The following SLC3A1 variants were observed in gnomAD, a reference collection of about 807,000 sequenced individuals.
The protein encoded by SLC3A1 is amino acid transporter heavy chain SLC3A1.
SLC3A1 carries 78 observed loss-of-function variants against 60.3 expected under a neutral mutation model. That is an observed-to-expected ratio of 1.29 (90% CI 1.08 to 1.56). SLC3A1 has a LOEUF of 1.56. Ranked by LOEUF, SLC3A1 falls within the 40% of genes most tolerant of loss-of-function variation. SLC3A1 has a pLI of 0.00. For missense variants in SLC3A1, 1,172 were observed against 858.9 expected, an observed-to-expected ratio of 1.36 and a Z score of -4.56; for synonymous variants, 392 against 307.9, an observed-to-expected ratio of 1.27 and a Z score of -2.86.
chr2:44,301,196 C>A, intron 6 of SLC3A1, 69 bp downstream of exon 6: 1 of 1,587,508 alleles, frequency 6.3e-7, no homozygotes, highest in Non-Finnish European at 8.6e-7. Context: ...TCCCTCACAA[C>A]CAAGTGTATT....
intron 7 of SLC3A1, among the ~76,000 whole-genome samples, chr2:44,311,723 T>TA (rs11443762): frequency 0.65 from 95,983 of 147,006 alleles, 31,630 homozygotes; most frequent in Non-Finnish European, 0.72. Context: ...CTAAGGAAGT[T>TA]AAAAAAAAAA....
At chr2:44,291,484 C>T (rs1671738615) in intron 4 of SLC3A1, among the ~76,000 whole-genome samples, 1 of 152,158 alleles carries the variant, frequency 6.6e-6, no homozygotes, top group Non-Finnish European at 1.5e-5. Context: ...TGTGATGAAT[C>T]ATTAATGCCT....
chr2:44,277,449 T>G (rs556722796), intron 1 of SLC3A1, among the ~76,000 whole-genome samples: 201 of 152,270 alleles, frequency 1.3e-3, no homozygotes, highest in African/African-American at 4.6e-3. Flanking sequence ...TTGTCACTCA[T>G]TGAAGAAGAG....
intron 4 of SLC3A1, 40 bp from the exon 5 acceptor site, chr2:44,299,931 G>T (rs774080018): frequency 2.5e-6 from 4 of 1,608,934 alleles, no homozygotes; most frequent in Non-Finnish European, 3.4e-6. Flanking sequence ...TGATAATAAC[G>T]TAGTTAATGT....
chr2:44,321,544 A>C, downstream of SLC3A1: 1 of 1,520,732 alleles, frequency 6.6e-7, no homozygotes, highest in East Asian at 2.4e-5. Context: ...CTAACCGTGA[A>C]GTCAGCAATT....
At chr2:44,288,238 C>A (rs1439343433) in intron 4 of SLC3A1, among the ~76,000 whole-genome samples, 2 of 152,104 alleles carry the variant, frequency 1.3e-5, no homozygotes, top group East Asian at 3.8e-4. Flanking sequence ...GTTGGCCAGG[C>A]TGGTCTCAAA....
intron 4 of SLC3A1, among the ~76,000 whole-genome samples, chr2:44,291,664 C>A (rs1373116719): frequency 6.6e-6 from 1 of 152,166 alleles, no homozygotes; most frequent in Non-Finnish European, 1.5e-5. Flanking sequence ...CCCAGCAGCG[C>A]TTGTTTCTGC....
intron 4 of SLC3A1, among the ~76,000 whole-genome samples, chr2:44,287,975 G>A (rs1038991720): frequency 5.9e-5 from 9 of 151,784 alleles, no homozygotes; most frequent in Non-Finnish European, 1.3e-4. Flanking sequence ...TTTTGAGTGT[G>A]TAATTCAGTG....
intron 1 of SLC3A1, among the ~76,000 whole-genome samples, chr2:44,277,397 C>T (rs535249526): frequency 3.7e-4 from 56 of 152,194 alleles, no homozygotes; most frequent in East Asian, 3.1e-3. Flanking sequence ...CATGAGCCAC[C>T]GCATCCGGCT....
At chr2:44,310,216 A>AT (rs1318243878) in intron 7 of SLC3A1, among the ~76,000 whole-genome samples, 1 of 152,134 alleles carries the variant, frequency 6.6e-6, no homozygotes, top group Non-Finnish European at 1.5e-5. Context: ...TACTTCTGTG[A>AT]TTTTGAGGAA....
chr2:44,299,912 T>A (rs1482011860), intron 4 of SLC3A1, 59 bp from the exon 5 acceptor site: 8 of 1,585,436 alleles, frequency 5.0e-6, no homozygotes, highest in Non-Finnish European at 6.9e-6. Context: ...AAACTTTGAT[T>A]AAACGTTGTG....
chr2:44,310,480 T>C (rs939542196), intron 7 of SLC3A1, among the ~76,000 whole-genome samples: 17 of 152,232 alleles, frequency 1.1e-4, no homozygotes, highest in South Asian at 4.1e-4. Context: ...CTGGCCTTCA[T>C]GGTTTCTGAT....
At chr2:44,318,442 C>T (rs1377018838) in intron 9 of SLC3A1, 1 of 175,818 alleles carries the variant, frequency 5.7e-6, no homozygotes. Flanking sequence ...AATATTTTAT[C>T]AACAGAAAAC....
chr2:44,320,847 A>C lies in SLC3A1; in HGVS notation c.*208A>C. On this transcript the variant is annotated 3_prime_UTR_variant, in exon 10 of 10. Coordinates refer to ENST00000260649, the MANE Select transcript of SLC3A1 (RefSeq NM_000341.4). ...AAATTATGGCTTATAGGAGCTTATA[A>C]CTTTATTCAGATAGCATCAATCAGG... is the stretch of plus-strand genomic sequence containing the variant. The C allele has an allele frequency of 1.7e-6, 1 of 581,768 alleles. No individual in the cohort carries two copies. The highest frequency in any genetic ancestry group is 3.0e-6 in the Non-Finnish European group (1 of 328,332). The allele number at this position is 581,768 out of a possible 1,614,324, so 36.0% of individuals were successfully genotyped here.
chr2:44,312,774 C>T (rs1558469113), intron 8 of SLC3A1, 21 bp downstream of exon 8: 3 of 1,596,014 alleles, frequency 1.9e-6, no homozygotes, highest in Non-Finnish European at 1.7e-6. Context: ...TACAACTTGA[C>T]TATTCATCAC....
At chr2:44,307,905 T>TA (rs2104376648) in intron 7 of SLC3A1, among the ~76,000 whole-genome samples, 1 of 152,344 alleles carries the variant, frequency 6.6e-6, no homozygotes, top group African/African-American at 2.4e-5. Context: ...TTGCCTGGTC[T>TA]ATTTATTCCA....
intron 1 of SLC3A1, among the ~76,000 whole-genome samples, chr2:44,279,844 C>T (rs966676756): frequency 1.3e-5 from 2 of 151,654 alleles, no homozygotes; most frequent in Admixed American, 6.6e-5. Flanking sequence ...ATTACAGGCA[C>T]GTGCCACCAT....
chr2:44,305,399 C>G (rs1672128406), intron 7 of SLC3A1, among the ~76,000 whole-genome samples: 1 of 150,674 alleles, frequency 6.6e-6, no homozygotes, highest in Non-Finnish European at 1.5e-5. Context: ...TTCTTTCTCT[C>G]ATATAAAAGA....
At chr2:44,285,912 T>A in intron 3 of SLC3A1, 120 bp from the exon 4 acceptor site, 1 of 1,326,366 alleles carries the variant, frequency 7.5e-7, no homozygotes, top group Non-Finnish European at 1.1e-6. Context: ...CTGCTCTCTG[T>A]AGAAGGAAAA....
Sources: gnomAD v4.1 joint callset for allele counts (sites outside exome capture counted in the v4.1 genomes callset) on GRCh38, gnomAD v4.1.1 for gene constraint, MANE v1.5 for transcripts, NCBI Gene and HGNC (gene_info 2026-07-23, HGNC 2026-07-21) for gene names.